SDK1: variants seen among roughly 807,000 people sequenced by gnomAD.
The protein encoded by SDK1 is protein sidekick-1.
Under a neutral mutation model 245.5 loss-of-function variants are expected in SDK1, and 157 were observed. That is an observed-to-expected ratio of 0.64 (90% CI 0.56 to 0.73). The LOEUF (loss-of-function observed/expected upper bound fraction) is 0.73. Among genes scored for constraint, SDK1 ranks in the 30% least tolerant of loss-of-function variants. The pLI, the probability that SDK1 is intolerant of heterozygous loss-of-function variation, is 0.00. For missense variants in SDK1, 3,583 were observed against 3,002.3 expected, an observed-to-expected ratio of 1.19 and a Z score of -4.52; for synonymous variants, 1,647 against 1,278.5, an observed-to-expected ratio of 1.29 and a Z score of -6.15.
rs1291741579 is a variant in SDK1 at position 4,221,240 on chromosome 7, A to G, written c.5703A>G (p.Gly1901=). ...QANITAGPAE[G]SPGSPRDVLV... ...TCTCTTTTCTTCTTTATCCCGCAGGATCCCCGGGCTCGCCTAGAGATGTCC... is the reference window on the plus strand; with the variant it reads ...TCTCTTTTCTTCTTTATCCCGCAGGGTCCCCGGGCTCGCCTAGAGATGTCC... Residue 1901 remains glycine, a splice_region_variant and synonymous_variant, in exon 40 of 45, where the codon GGA becomes GGG. Transcript: ENST00000404826. 6.2e-7 allele frequency: 1 copy of G among 1,613,346 alleles called. No individual in the cohort carries two copies. The highest frequency in any genetic ancestry group is 1.7e-5 in the Admixed American group (1 of 60,018).
intron 17 of SDK1, among the ~76,000 whole-genome samples, chr7:4,045,404 A>C (rs1185158469): frequency 6.6e-6 from 1 of 151,536 alleles, no homozygotes; most frequent in Non-Finnish European, 1.5e-5. Flanking sequence ...CATCATGCCC[A>C]GCTACTTTTT....
chr7:3,881,393 G>A (rs1781205764), intron 5 of SDK1, among the ~76,000 whole-genome samples: 1 of 151,856 alleles, frequency 6.6e-6, no homozygotes, highest in African/African-American at 2.4e-5. Flanking sequence ...TGAATATAAC[G>A]TCTTCCAGCT....
chr7:3,936,541 C>T (rs531952918), intron 5 of SDK1, among the ~76,000 whole-genome samples: 13 of 151,188 alleles, frequency 8.6e-5, no homozygotes, highest in Admixed American at 3.3e-4. Flanking sequence ...CCCTAGATCA[C>T]GCCACAGCAC....
At chr7:3,548,597 G>GA (rs1562555202) in intron 1 of SDK1, among the ~76,000 whole-genome samples, 1 of 152,132 alleles carries the variant, frequency 6.6e-6, no homozygotes, top group Non-Finnish European at 1.5e-5. Context: ...CACATTCCTG[G>GA]AAATGAAATA....
intron 1 of SDK1, among the ~76,000 whole-genome samples, chr7:3,328,271 AATT>A (rs1779983365): frequency 6.6e-6 from 1 of 152,126 alleles, no homozygotes; most frequent in South Asian, 2.1e-4. Context: ...TGTTATTTTG[AATT>A]ATTTGAAATG....
chr7:3,972,496 G>A (rs186464742), intron 12 of SDK1, among the ~76,000 whole-genome samples: 196 of 152,266 alleles, frequency 1.3e-3, no homozygotes, highest in Admixed American at 0.011. Context: ...GGCATCAGTG[G>A]GGAGCTGTTC....
chr7:3,929,686 G>A (rs1779905664), intron 5 of SDK1, among the ~76,000 whole-genome samples: 1 of 152,168 alleles, frequency 6.6e-6, no homozygotes, highest in South Asian at 2.1e-4. Context: ...GATAGGGAGT[G>A]TTTTGGAGGA....
intron 1 of SDK1, among the ~76,000 whole-genome samples, chr7:3,340,860 A>G (rs1472520033): frequency 6.6e-6 from 1 of 152,174 alleles, no homozygotes; most frequent in Non-Finnish European, 1.5e-5. Context: ...TTGAATTCTT[A>G]ATTGAAATGC....
At chr7:3,701,924 CAAAAAAAA>C (rs58687135) in intron 4 of SDK1, among the ~76,000 whole-genome samples, 3,355 of 85,806 alleles carry the variant, frequency 0.039, 136 homozygotes, top group African/African-American at 0.11. Flanking sequence ...CGTGCATAAG[CAAAAAAAA>C]AAAAAAAAAA....
intron 4 of SDK1, among the ~76,000 whole-genome samples, chr7:3,657,877 GTCAAGTCA>G (rs1478583679): frequency 2.6e-5 from 4 of 152,216 alleles, no homozygotes; most frequent in African/African-American, 9.6e-5. Flanking sequence ...ATGATATAAG[GTCAAGTCA>G]TCTGTCAGAC....
At chr7:4,243,530 G>A (rs529729328) in intron 43 of SDK1, among the ~76,000 whole-genome samples, 9 of 152,324 alleles carry the variant, frequency 5.9e-5, no homozygotes, top group South Asian at 4.1e-4. Flanking sequence ...CAATCATGGC[G>A]GAAGGCAAGG....
chr7:4,011,793 G>T (rs1242200917), intron 15 of SDK1, among the ~76,000 whole-genome samples: 1 of 152,186 alleles, frequency 6.6e-6, no homozygotes, highest in Non-Finnish European at 1.5e-5. Flanking sequence ...ACGGCAGGCC[G>T]ACGAGCGGAC....
chr7:4,079,600 G>C lies in SDK1; in HGVS notation c.3324+16G>C. 6.2e-7 allele frequency: 1 copy of C among 1,613,904 alleles called. No homozygotes were observed. Among genetic ancestry groups the C allele is most frequent in the Non-Finnish European group, 8.5e-7 (1 of 1,179,808 alleles). On this transcript the variant is annotated intron_variant, in intron 22 of 44. Coordinates refer to ENST00000404826, the MANE Select transcript of SDK1 (RefSeq NM_152744.4). ...TGAGGGGCAGGTACGTGTGTCGTTA[G>C]ACTGGGAGCTGGCATTTGCGAAGAG...
At chr7:3,961,951 A>G (rs1023385032) in intron 8 of SDK1, among the ~76,000 whole-genome samples, 1 of 152,110 alleles carries the variant, frequency 6.6e-6, no homozygotes, top group Non-Finnish European at 1.5e-5. Flanking sequence ...ACGCACATGT[A>G]TACGCATACA....
At chr7:3,519,839 A>G (rs1782876677) in intron 1 of SDK1, among the ~76,000 whole-genome samples, 2 of 152,206 alleles carry the variant, frequency 1.3e-5, no homozygotes, top group South Asian at 4.1e-4. Flanking sequence ...TATAAGAAGT[A>G]TAATTCTATT....
intron 20 of SDK1, among the ~76,000 whole-genome samples, chr7:4,074,859 T>C (rs1175809150): frequency 7.2e-5 from 6 of 83,422 alleles, no homozygotes; most frequent in Non-Finnish European, 1.0e-4. Context: ...CAAGACTTTC[T>C]CTCTCTCTCT....
intron 1 of SDK1, among the ~76,000 whole-genome samples, chr7:3,557,430 G>A (rs1779621995): frequency 6.6e-6 from 1 of 152,220 alleles, no homozygotes; most frequent in Admixed American, 6.5e-5. Flanking sequence ...GGGAAATGGA[G>A]AGAGGGTAGT....
intron 1 of SDK1, among the ~76,000 whole-genome samples, chr7:3,612,840 A>G (rs956039501): frequency 6.6e-5 from 10 of 152,182 alleles, no homozygotes; most frequent in African/African-American, 2.2e-4. Context: ...GGTGCTGATT[A>G]TGATGGCTTA....
rs1270282923 is a variant in SDK1, at chr7:4,219,970, A to G, written c.5540-139A>G. 5 of 997,286 alleles carry G rather than the reference A, an allele frequency of 5.0e-6. No homozygotes were observed. In the African/African-American group the frequency reaches 8.1e-5, roughly 16 times the overall value. 61.8% of individuals were successfully genotyped at this position (997,286 alleles called of 1,614,324 possible). A position where few individuals can be genotyped will look rare whatever the true frequency, so the allele number is the denominator to read the frequency against. ...GTGCTGAAAATTGGCTATTACCACC[A>G]TATAAACTCCTAATAGTAAGAAATA... On this transcript the variant is annotated intron_variant, in intron 38 of 44. Transcript: ENST00000404826.
Sources: allele counts gnomAD v4.1 joint callset (sites outside exome capture counted in the v4.1 genomes callset), GRCh38; gene constraint gnomAD v4.1.1; transcripts MANE v1.5; gene names NCBI Gene and HGNC (gene_info 2026-07-23, HGNC 2026-07-21).